The following RBFOX1 variants were observed in gnomAD, a reference collection of about 807,000 sequenced individuals.
RBFOX1 encodes the protein RNA binding fox-1 homolog 1.
In RBFOX1, 8 loss-of-function variants were observed where a neutral mutation model predicts 57.7. The ratio of observed to expected loss-of-function variants is 0.14; its 90% CI spans 0.08 to 0.25. The LOEUF (loss-of-function observed/expected upper bound fraction) is 0.25, where lower values mean the gene tolerates loss of function less well. Among genes scored for constraint, RBFOX1 ranks in the 10% least tolerant of loss-of-function variants. The probability of loss-of-function intolerance (pLI) is 1.00; values close to 1 mark genes in which losing one functional copy is unlikely to be tolerated. For synonymous variants in RBFOX1, 326 were observed against 222.4 expected, an observed-to-expected ratio of 1.47 and a Z score of -4.15; for missense variants, 611 against 548.5, an observed-to-expected ratio of 1.11 and a Z score of -1.14.
intron 1 of RBFOX1, among the ~76,000 whole-genome samples, chr16:5,362,570 C>G (rs905980187): frequency 6.6e-6 from 1 of 152,170 alleles, no homozygotes; most frequent in African/African-American, 2.4e-5. Flanking sequence ...CCATGTTGGT[C>G]AGGCTGGTCT....
intron 3 of RBFOX1, among the ~76,000 whole-genome samples, chr16:7,021,887 C>T (rs1331617893): frequency 1.6e-5 from 2 of 121,746 alleles, no homozygotes; most frequent in Admixed American, 8.8e-5. Context: ...CTCTCTCTTT[C>T]TTTCTTTCTT....
chr16:5,400,723 T>C (rs1245587676), intron 1 of RBFOX1, among the ~76,000 whole-genome samples: 1 of 152,150 alleles, frequency 6.6e-6, no homozygotes, highest in Non-Finnish European at 1.5e-5. Context: ...TCCCAGTGTA[T>C]TTTGTTAAAT....
chr16:7,155,562 C>T (rs184949972), intron 4 of RBFOX1, among the ~76,000 whole-genome samples: 3 of 150,164 alleles, frequency 2.0e-5, no homozygotes, highest in East Asian at 3.9e-4. Context: ...CACCACTGCC[C>T]TCCAGCTTGG....
chr16:5,323,496 C>A (rs1348925066), intron 1 of RBFOX1, among the ~76,000 whole-genome samples: 1 of 152,224 alleles, frequency 6.6e-6, no homozygotes, highest in Non-Finnish European at 1.5e-5. Context: ...GGCCCTGCAT[C>A]AGCGGCCTTG....
At chr16:6,881,573 A>G (rs1016309027) in intron 3 of RBFOX1, among the ~76,000 whole-genome samples, 9 of 151,812 alleles carry the variant, frequency 5.9e-5, no homozygotes, top group Non-Finnish European at 1.0e-4. Context: ...TCCTGTAAAC[A>G]CTCCAGTCAT....
intron 4 of RBFOX1, among the ~76,000 whole-genome samples, chr16:7,290,281 T>C (rs1298079158): frequency 6.6e-6 from 1 of 152,222 alleles, no homozygotes; most frequent in Non-Finnish European, 1.5e-5. Flanking sequence ...GGATAGATAA[T>C]ATTGTTTTCA....
chr16:6,968,530 T>G (rs2153563895), intron 3 of RBFOX1, among the ~76,000 whole-genome samples: 1 of 152,240 alleles, frequency 6.6e-6, no homozygotes, highest in East Asian at 1.9e-4. Context: ...GAGAGCAGTC[T>G]TAAAGATTTA....
At chr16:7,269,747 T>C (rs2095271031) in intron 4 of RBFOX1, among the ~76,000 whole-genome samples, 2 of 152,222 alleles carry the variant, frequency 1.3e-5, no homozygotes, top group Admixed American at 1.3e-4. Context: ...GTTTACATTT[T>C]TGAATATTTC....
chr16:6,265,105 T>A (rs1208265810), intron 1 of RBFOX1, among the ~76,000 whole-genome samples: 1 of 152,114 alleles, frequency 6.6e-6, no homozygotes, highest in African/African-American at 2.4e-5. Context: ...TCAACAACCA[T>A]AACGGAGACA....
At chr16:7,249,402 A>G (rs1268557884) in intron 4 of RBFOX1, among the ~76,000 whole-genome samples, 1 of 152,180 alleles carries the variant, frequency 6.6e-6, no homozygotes, top group Non-Finnish European at 1.5e-5. Flanking sequence ...GGACATCACT[A>G]GACTTCCAAG....
chr16:6,994,945 T>TTGTGTGTGTGTG (rs145095044), intron 3 of RBFOX1, among the ~76,000 whole-genome samples: 6,579 of 148,014 alleles, frequency 0.044, 180 homozygotes, highest in South Asian at 0.11. Context: ...TTGCATTATT[T>TTGTGTGTGTGTG]TGTGTGTGTG....
intron 3 of RBFOX1, among the ~76,000 whole-genome samples, chr16:6,657,595 G>A (rs1333869030): frequency 6.6e-6 from 1 of 152,192 alleles, no homozygotes; most frequent in Admixed American, 6.5e-5. Context: ...CCACTGGAGT[G>A]ATGACAGTTG....
intron 3 of RBFOX1, among the ~76,000 whole-genome samples, chr16:5,823,101 G>A (rs1052239961): frequency 6.6e-6 from 1 of 152,140 alleles, no homozygotes; most frequent in East Asian, 1.9e-4. Context: ...CCCTCTTAGC[G>A]TATTAAACCC....
chr16:6,960,891 T>A (rs962083703), intron 3 of RBFOX1, among the ~76,000 whole-genome samples: 4 of 149,610 alleles, frequency 2.7e-5, no homozygotes, highest in Non-Finnish European at 5.9e-5. Context: ...CCCAGCACTT[T>A]GGAAGGCCAA....
chr16:7,654,088 G>A, intron 12 of RBFOX1, 141 bp downstream of exon 12: 6 of 837,390 alleles, frequency 7.2e-6, no homozygotes, highest in Admixed American at 3.2e-5. Context: ...GCCCGGCCGC[G>A]CACCTGCAGT....
chr16:6,358,287 A>C (rs1338650566), intron 2 of RBFOX1, among the ~76,000 whole-genome samples: 1 of 152,184 alleles, frequency 6.6e-6, no homozygotes, highest in South Asian at 2.1e-4. Context: ...TTTCCAGTAC[A>C]TGTTACCCCT....
intron 3 of RBFOX1, among the ~76,000 whole-genome samples, chr16:6,744,805 T>G (rs897790644): frequency 3.3e-5 from 5 of 151,990 alleles, no homozygotes. Context: ...GAAGGTGAAC[T>G]AAATTAAGTA....
At chr16:7,351,911 C>G (rs1427049785) in intron 4 of RBFOX1, among the ~76,000 whole-genome samples, 1 of 152,142 alleles carries the variant, frequency 6.6e-6, no homozygotes, top group Non-Finnish European at 1.5e-5. Flanking sequence ...GTTTCCAACC[C>G]CAACCCCAGG....
At chr16:7,338,192 A>G (rs962204263) in intron 4 of RBFOX1, among the ~76,000 whole-genome samples, 2 of 152,006 alleles carry the variant, frequency 1.3e-5, no homozygotes, top group Non-Finnish European at 2.9e-5. Flanking sequence ...TGTTTTCCCT[A>G]ATGCTCTCCC....
Sources: allele counts gnomAD v4.1 joint callset (sites outside exome capture counted in the v4.1 genomes callset), GRCh38; gene constraint gnomAD v4.1.1; transcripts MANE v1.5; gene names NCBI Gene and HGNC (gene_info 2026-07-23, HGNC 2026-07-21).